The following HSD17B4 variants were observed in gnomAD, a reference collection of about 807,000 sequenced individuals.
The protein encoded by HSD17B4 is hydroxysteroid 17-beta dehydrogenase 4.
Under a neutral mutation model 101.0 loss-of-function variants are expected in HSD17B4, and 70 were observed. That is an observed-to-expected ratio of 0.69 (90% CI 0.57 to 0.85). The LOEUF (loss-of-function observed/expected upper bound fraction) is 0.85. Ranked by LOEUF, HSD17B4 falls within the 40% of genes least tolerant of loss-of-function variation. The pLI, the probability that HSD17B4 is intolerant of heterozygous loss-of-function variation, is 0.00. For synonymous variants in HSD17B4, 347 were observed against 297.1 expected, an observed-to-expected ratio of 1.17 and a Z score of -1.73; for missense variants, 984 against 892.4, an observed-to-expected ratio of 1.10 and a Z score of -1.31.
At chr5:119,456,256 G>T in intron 1 of HSD17B4, 59 bp from the exon 2 acceptor site, 1 of 1,135,400 alleles carries the variant, frequency 8.8e-7, no homozygotes, top group Non-Finnish European at 1.3e-6. Flanking sequence ...TGAGTTGAGC[G>T]GACCAAAAAA....
chr5:119,506,771 A>C, intron 14 of HSD17B4, 47 bp from the exon 15 acceptor site: 2 of 1,018,460 alleles, frequency 2.0e-6, no homozygotes, highest in Non-Finnish European at 3.1e-6. Flanking sequence ...TTATTATAGT[A>C]ATCTTTGGTT....
chr5:119,483,157 A>G (rs1322110026), intron 8 of HSD17B4, among the ~76,000 whole-genome samples: 2 of 152,112 alleles, frequency 1.3e-5, no homozygotes, highest in Non-Finnish European at 2.9e-5. Context: ...AAACTTATAA[A>G]AGTGTTGGAG....
At chr5:119,468,748 C>G (rs186501843) in intron 2 of HSD17B4, among the ~76,000 whole-genome samples, 2 of 151,672 alleles carry the variant, frequency 1.3e-5, no homozygotes, top group African/African-American at 4.8e-5. Flanking sequence ...AATTTGTTTA[C>G]TTAATGGTGT....
chr5:119,454,243 T>C (rs149496988), intron 1 of HSD17B4, among the ~76,000 whole-genome samples: 102 of 152,370 alleles, frequency 6.7e-4, no homozygotes, highest in African/African-American at 2.4e-3. Context: ...TAGACAGTTA[T>C]GAACTTAGCA....
chr5:119,456,266 A>C (rs540383405), intron 1 of HSD17B4, 49 bp from the exon 2 acceptor site: 2 of 1,365,736 alleles, frequency 1.5e-6, no homozygotes, highest in Admixed American at 3.3e-5. Context: ...GGACCAAAAA[A>C]ATTATGCTGA....
intron 9 of HSD17B4, among the ~76,000 whole-genome samples, chr5:119,490,245 A>G (rs1305445249): frequency 1.3e-5 from 2 of 152,236 alleles, no homozygotes; most frequent in Non-Finnish European, 2.9e-5. Flanking sequence ...ATTGTGGCAT[A>G]GTAGAGGTAG....
In HSD17B4 at chr5:119,521,185, A is replaced by G. The variant is rs186530972; in HGVS notation, c.1504-4031A>G. Among the ~76,000 whole-genome samples the G allele has an allele frequency of 1.1e-3, 162 of 152,306 alleles. 1 individual carries two copies. The highest frequency in any genetic ancestry group is 2.7e-3 in the South Asian group (13 of 4,826). On this transcript the variant is annotated intron_variant, in intron 17 of 23. Transcript: ENST00000510025. ...AAGGGACAGCATTGTTGGATATAAA[A>G]TCTTATTTCTTAAAAATGGTGCATC...
intron 2 of HSD17B4, among the ~76,000 whole-genome samples, chr5:119,466,103 G>C (rs186095582): frequency 1.6e-3 from 250 of 152,188 alleles, no homozygotes; most frequent in African/African-American, 5.5e-3. Flanking sequence ...TTGTTTTGTT[G>C]ATGTGATATC....
At position 119,536,400 on chromosome 5, in the gene HSD17B4, T is replaced by C. The variant is rs75932694; in HGVS notation, c.1994-23T>C. On this transcript the variant is annotated intron_variant, in intron 22 of 23. Transcript: ENST00000510025. ...TTGTTGGAGAGAAAAAGATACACAT[T>C]GGTTTCTTCCTATTTTTCCCAGCTA... is the stretch of plus-strand genomic sequence containing the variant. The C allele has an allele frequency of 9.8e-3, 15,827 of 1,608,846 alleles. 107 individuals are homozygous for C. The highest frequency in any genetic ancestry group is 0.012 in the Non-Finnish European group (13,930 of 1,175,658).
At chr5:119,454,671 G>T (rs901693191) in intron 1 of HSD17B4, among the ~76,000 whole-genome samples, 1 of 152,062 alleles carries the variant, frequency 6.6e-6, no homozygotes, top group East Asian at 1.9e-4. Flanking sequence ...GCCGAGGCTG[G>T]AGTGCAGTGA....
intron 2 of HSD17B4, among the ~76,000 whole-genome samples, chr5:119,467,035 G>A (rs548760069): frequency 1.3e-3 from 200 of 152,046 alleles, no homozygotes; most frequent in African/African-American, 4.2e-3. Flanking sequence ...TTTGCTACCC[G>A]TTGGTTATTC....
At chr5:119,520,217 C>T (rs1176276590) in intron 17 of HSD17B4, among the ~76,000 whole-genome samples, 1 of 151,308 alleles carries the variant, frequency 6.6e-6, no homozygotes, top group East Asian at 1.9e-4. Flanking sequence ...GGTGATCTTT[C>T]TGCTACAAAT....
At chr5:119,539,665 GAA>G (rs1454887526) in intron 23 of HSD17B4, among the ~76,000 whole-genome samples, 1 of 151,612 alleles carries the variant, frequency 6.6e-6, no homozygotes, top group Non-Finnish European at 1.5e-5. Context: ...ACATACAAAA[GAA>G]AAAAATTTTT....
At chr5:119,534,428 T>C (rs1754372685) in intron 22 of HSD17B4, among the ~76,000 whole-genome samples, 1 of 152,104 alleles carries the variant, frequency 6.6e-6, no homozygotes, top group East Asian at 1.9e-4. Context: ...TCTTTGACTG[T>C]TAGAGGTTAT....
At chr5:119,531,723 C>G (rs1210478608) in intron 22 of HSD17B4, among the ~76,000 whole-genome samples, 4 of 151,958 alleles carry the variant, frequency 2.6e-5, no homozygotes, top group African/African-American at 9.7e-5. Context: ...ATCTAATCTT[C>G]AGCTTCTTAA....
intron 2 of HSD17B4, among the ~76,000 whole-genome samples, chr5:119,458,995 G>A (rs773145013): frequency 6.6e-6 from 1 of 152,204 alleles, no homozygotes; most frequent in Non-Finnish European, 1.5e-5. Context: ...AAGAAAGGGA[G>A]TTCTACTCTT....
chr5:119,506,701 A>G (rs1316162325), intron 14 of HSD17B4, 117 bp from the exon 15 acceptor site: 29 of 613,966 alleles, frequency 4.7e-5, no homozygotes, highest in Non-Finnish European at 8.4e-5. Context: ...ACTATTTCAA[A>G]CCATAGTTTT....
At chr5:119,521,866 A>T (rs930053142) in intron 17 of HSD17B4, among the ~76,000 whole-genome samples, 5 of 146,744 alleles carry the variant, frequency 3.4e-5, no homozygotes, top group African/African-American at 1.2e-4. Context: ...GTTTATTTGG[A>T]GGGGGGGTGG....
intron 13 of HSD17B4, 131 bp downstream of exon 13, chr5:119,499,684 T>G (rs933721085): frequency 1.0e-5 from 5 of 484,086 alleles, no homozygotes; most frequent in African/African-American, 1.0e-4. Context: ...GTGGTTAGTT[T>G]AGCATATCTT....
Sources: allele counts gnomAD v4.1 joint callset (sites outside exome capture counted in the v4.1 genomes callset), GRCh38; gene constraint gnomAD v4.1.1; transcripts MANE v1.5; gene names NCBI Gene and HGNC (gene_info 2026-07-23, HGNC 2026-07-21).